Variants in LIMCH1 observed in about 807,000 individuals in gnomAD.
LIMCH1 encodes LIM and calponin homology domains 1.
LIMCH1 carries 113 observed loss-of-function variants against 176.5 expected under a neutral mutation model. The ratio of observed to expected loss-of-function variants is 0.64; its 90% CI spans 0.55 to 0.75. The LOEUF is 0.75. LIMCH1 is among the 30% of genes least tolerant of loss of function. The pLI is 0.00. For synonymous variants in LIMCH1, 619 were observed against 645.9 expected (o/e 0.96, Z 0.63); for missense variants, 1,674 against 1,814.9 (o/e 0.92, Z 1.41).
intron 1 of LIMCH1, among the ~76,000 whole-genome samples, chr4:41,362,413 C>T (rs1218858007): frequency 6.6e-6 from 1 of 152,256 alleles, no homozygotes; most frequent in South Asian, 2.1e-4. Context: ...TACTTATGCT[C>T]CCAGGATACA....
intron 1 of LIMCH1, among the ~76,000 whole-genome samples, chr4:41,465,561 G>A (rs574165752): frequency 2.6e-4 from 40 of 152,134 alleles, no homozygotes; most frequent in Non-Finnish European, 5.0e-4. Flanking sequence ...AAAGAAGTTC[G>A]TATGCAGCAC....
chr4:41,522,495 G>A (rs186291352), intron 2 of LIMCH1, among the ~76,000 whole-genome samples: 23 of 152,168 alleles, frequency 1.5e-4, no homozygotes, highest in African/African-American at 5.3e-4. Flanking sequence ...GTCAACAACT[G>A]TACAAAAATA....
At chr4:41,658,687 G>T (rs1189062745) in intron 18 of LIMCH1, among the ~76,000 whole-genome samples, 1 of 152,160 alleles carries the variant, frequency 6.6e-6, no homozygotes, top group Non-Finnish European at 1.5e-5. Flanking sequence ...TTAACAGATG[G>T]CGTGTTTTCT....
At chr4:41,638,902 A>G (rs2093703201) in intron 13 of LIMCH1, 30 bp from the exon 14 acceptor site, 3 of 1,599,158 alleles carry the variant, frequency 1.9e-6, no homozygotes, top group Non-Finnish European at 2.6e-6. Context: ...CAACTCTGCC[A>G]GTCCTCTAAT....
intron 1 of LIMCH1, among the ~76,000 whole-genome samples, chr4:41,394,700 A>G (rs1431784983): frequency 6.6e-6 from 1 of 152,178 alleles, no homozygotes; most frequent in Non-Finnish European, 1.5e-5. Flanking sequence ...GTTTTGGGGA[A>G]CACCTAAATA....
intron 1 of LIMCH1, among the ~76,000 whole-genome samples, chr4:41,385,369 G>T (rs1294266243): frequency 6.6e-6 from 1 of 152,140 alleles, no homozygotes. Flanking sequence ...CATTTTATAT[G>T]CATTAAATTG....
At chr4:41,680,926 CT>C in intron 24 of LIMCH1, 28 bp from the exon 25 acceptor site, 1 of 1,237,828 alleles carries the variant, frequency 8.1e-7, no homozygotes, top group Non-Finnish European at 1.2e-6. Context: ...ATTTTCCCCC[CT>C]TTCATCGATT....
chr4:41,508,455 G>A (rs755740522), intron 2 of LIMCH1, among the ~76,000 whole-genome samples: 1 of 152,190 alleles, frequency 6.6e-6, no homozygotes, highest in Non-Finnish European at 1.5e-5. Context: ...GAGTCCTGTA[G>A]GCTGTTGGGG....
chr4:41,363,117 C>T (rs1387571243), intron 1 of LIMCH1, among the ~76,000 whole-genome samples: 1 of 152,188 alleles, frequency 6.6e-6, no homozygotes, highest in Non-Finnish European at 1.5e-5. Context: ...ATAGAGACCT[C>T]CCCCTTCCTT....
At chr4:41,451,526 A>G (rs373252912) in intron 1 of LIMCH1, among the ~76,000 whole-genome samples, 56 of 152,250 alleles carry the variant, frequency 3.7e-4, no homozygotes, top group African/African-American at 1.2e-3. Context: ...AACTCTTGAG[A>G]GTCTTTCCCA....
chr4:41,460,476 A>ATATATATATATATATCTATCTATC (rs965621988), intron 1 of LIMCH1, among the ~76,000 whole-genome samples: 1 of 142,666 alleles, frequency 7.0e-6, no homozygotes, highest in African/African-American at 2.7e-5. Context: ...ATATATATAT[A>ATATATATATATATATCTATCTATC]TATCTTATAA....
At chr4:41,695,127 T>C (rs1218738860) in intron 31 of LIMCH1, among the ~76,000 whole-genome samples, 1 of 152,064 alleles carries the variant, frequency 6.6e-6, no homozygotes, top group Non-Finnish European at 1.5e-5. Context: ...CCATTTGTTA[T>C]ATTTGCCGCA....
chr4:41,466,407 T>C (rs2066126863), intron 1 of LIMCH1, among the ~76,000 whole-genome samples: 1 of 152,242 alleles, frequency 6.6e-6, no homozygotes, highest in African/African-American at 2.4e-5. Flanking sequence ...ACTCTCTGGC[T>C]GGGGCCATAT....
chr4:41,360,295 A>T (rs1004282764), upstream of LIMCH1, among the ~76,000 whole-genome samples: 3 of 151,884 alleles, frequency 2.0e-5, no homozygotes, highest in African/African-American at 7.2e-5. The surrounding 1 kb of genome is among the most constrained non-coding windows in gnomAD (Gnocchi z 4.5). Context: ...GAAGGACTGC[A>T]GGTGCTGCGC....
At chr4:41,678,595 G>A (rs1713023391) in intron 23 of LIMCH1, among the ~76,000 whole-genome samples, 1 of 152,202 alleles carries the variant, frequency 6.6e-6, no homozygotes, top group Non-Finnish European at 1.5e-5. Flanking sequence ...TACATGCCAA[G>A]GGGTGACCCT....
rs553061880 is a variant in LIMCH1, at chr4:41,679,720, CTG to C, written c.3520-285_3520-284del. Reference sequence around the variant, plus strand: ...TTGGTTTAGCACACCTGGAACAAAACTGGAGTGAAGGAAGATTTTAGAGGCTT... The same window carrying C: ...TTGGTTTAGCACACCTGGAACAAAACGAGTGAAGGAAGATTTTAGAGGCTT... On this transcript the variant is annotated intron_variant, in intron 23 of 31. Transcript: ENST00000503057. 9.8e-5 allele frequency among the ~76,000 whole-genome samples: 15 copies of C among 152,292 alleles called. No individual in the cohort carries two copies. In the East Asian group the frequency reaches 2.9e-3, roughly 29 times the overall value.
chr4:41,661,558 T>G lies in LIMCH1; in HGVS notation c.3127+48T>G, dbSNP rs1443897578. The G allele has an allele frequency of 6.3e-6, 8 of 1,268,110 alleles. No homozygotes were observed. In the South Asian group the frequency reaches 7.5e-5, roughly 12 times the overall value. 78.6% of individuals were successfully genotyped at this position (1,268,110 alleles called of 1,614,324 possible). On this transcript the variant is annotated intron_variant, in intron 19 of 31. Transcript: ENST00000503057. ...TTTAAGGCAAATCATGGTAACTGTT[T>G]AAGATGTAATGGAAATAGTCAAGAA...
At chr4:41,518,167 A>G (rs2075774859) in intron 2 of LIMCH1, among the ~76,000 whole-genome samples, 1 of 152,202 alleles carries the variant, frequency 6.6e-6, no homozygotes, top group Non-Finnish European at 1.5e-5. Context: ...TTAAATTTGC[A>G]ATCCTTTAAG....
intron 1 of LIMCH1, among the ~76,000 whole-genome samples, chr4:41,453,139 A>G (rs919524415): frequency 2.6e-5 from 4 of 151,946 alleles, no homozygotes; most frequent in Admixed American, 2.6e-4. Flanking sequence ...AGGACTTTTC[A>G]CCCCACACCT....
Sources: gnomAD v4.1 joint callset for allele counts (sites outside exome capture counted in the v4.1 genomes callset) on GRCh38, gnomAD v4.1.1 for gene constraint, Gnocchi (gnomAD v3.1) non-coding constraint, MANE v1.5 for transcripts, NCBI Gene and HGNC (gene_info 2026-07-23, HGNC 2026-07-21) for gene names.